The following SP4 variants were observed in gnomAD, a reference collection of about 807,000 sequenced individuals.
The protein encoded by SP4 is transcription factor Sp4.
SP4 carries 19 observed loss-of-function variants against 72.8 expected under a neutral mutation model. The ratio of observed to expected loss-of-function variants is 0.26; its 90% CI spans 0.18 to 0.38. The LOEUF is 0.38. SP4 is among the 10% of genes least tolerant of loss of function. The pLI is 1.00. For missense variants in SP4, 1,008 were observed against 926.3 expected, an observed-to-expected ratio of 1.09 and a Z score of -1.14; for synonymous variants, 395 against 333.1, an observed-to-expected ratio of 1.19 and a Z score of -2.02.
chr7:21,492,602 G>A (rs1785008852), intron 5 of SP4, among the ~76,000 whole-genome samples: 1 of 151,906 alleles, frequency 6.6e-6, no homozygotes, highest in Non-Finnish European at 1.5e-5. Flanking sequence ...TGGAGAAAAG[G>A]GAAAATAGAA....
rs1554292050 is a variant in SP4, at chr7:21,428,188, GCCCCCA to G, written c.-54_-49del. 9.3e-5 allele frequency: 35 copies of G among 374,988 alleles called. No individual in the cohort carries two copies. Among genetic ancestry groups the G allele is most frequent in the Non-Finnish European group, 1.6e-4 (32 of 199,376 alleles). The allele number at this position is 374,988 out of a possible 1,614,324, so 23.2% of individuals were successfully genotyped here. ...CGGGACCGGCCTCTCCTCCCGCCTCGCCCCCACCCCCACCCACCTCTATCCCAGTGT... is the reference window on the plus strand; with the variant it reads ...CGGGACCGGCCTCTCCTCCCGCCTCGCCCCCACCCACCTCTATCCCAGTGT... On this transcript the variant is annotated 5_prime_UTR_variant, in exon 1 of 6. Transcript: ENST00000222584.
chr7:21,435,350 A>G (rs1025201576), intron 3 of SP4, among the ~76,000 whole-genome samples: 5 of 152,220 alleles, frequency 3.3e-5, no homozygotes, highest in African/African-American at 1.2e-4. Flanking sequence ...GGGATATAGT[A>G]TGAAACCAGA....
intron 3 of SP4, among the ~76,000 whole-genome samples, chr7:21,446,176 G>A (rs1239756459): frequency 2.0e-5 from 3 of 151,818 alleles, no homozygotes; most frequent in Non-Finnish European, 2.9e-5. Context: ...TTGTTCTCCC[G>A]CACCTTCACT....
chr7:21,465,752 C>T (rs1244140936), intron 3 of SP4, among the ~76,000 whole-genome samples: 3 of 152,046 alleles, frequency 2.0e-5, no homozygotes, highest in Non-Finnish European at 4.4e-5. Flanking sequence ...TGTTGTCCTA[C>T]TGGAGAGGGC....
chr7:21,428,660 G>T lies in SP4; in HGVS notation c.8-17G>T, dbSNP rs201490557. On this transcript the variant is annotated splice_polypyrimidine_tract_variant and intron_variant, in intron 1 of 5. Coordinates refer to ENST00000222584, the MANE Select transcript of SP4 (RefSeq NM_003112.5). Reference sequence around the variant, plus strand: ...TAACCTGTTGTCGTGTGTGTGTGGTGGGGGGGTTTGTTGCAGATCAGAAGA... The same window carrying T: ...TAACCTGTTGTCGTGTGTGTGTGGTTGGGGGGTTTGTTGCAGATCAGAAGA... 2.6e-5 allele frequency: 40 copies of T among 1,519,638 alleles called. No individual in the cohort carries two copies. In the Admixed American group the frequency reaches 4.8e-4, roughly 18 times the overall value. The allele number at this position is 1,519,638 out of a possible 1,614,324, so 94.1% of individuals were successfully genotyped here. A position where few individuals can be genotyped will look rare whatever the true frequency, so the allele number is the denominator to read the frequency against.
rs967899229 is a variant in SP4, at chr7:21,511,602, G to C, written c.*333G>C. The C allele has an allele frequency of 2.0e-5, 4 of 201,082 alleles. No homozygotes were observed. The highest frequency in any genetic ancestry group is 9.3e-5 in the African/African-American group (4 of 43,192). The allele number at this position is 201,082 out of a possible 1,614,324, so 12.5% of individuals were successfully genotyped here. A position where few individuals can be genotyped will look rare whatever the true frequency, so the allele number is the denominator to read the frequency against. ...AAAGACCTTAGTAGTTTGCAGGCTGGACCTTAATTGGACTTATTTTCTTTG... is the reference window on the plus strand; with the variant it reads ...AAAGACCTTAGTAGTTTGCAGGCTGCACCTTAATTGGACTTATTTTCTTTG... On this transcript the variant is annotated 3_prime_UTR_variant, in exon 6 of 6. Transcript: ENST00000222584.
intron 5 of SP4, among the ~76,000 whole-genome samples, chr7:21,501,505 T>A (rs1781861245): frequency 6.6e-6 from 1 of 152,212 alleles, no homozygotes; most frequent in Non-Finnish European, 1.5e-5. Flanking sequence ...GGGCATTTGT[T>A]TATTAATAGC....
At chr7:21,463,309 C>G (rs1221150512) in intron 3 of SP4, among the ~76,000 whole-genome samples, 1 of 152,108 alleles carries the variant, frequency 6.6e-6, no homozygotes, top group African/African-American at 2.4e-5. Flanking sequence ...AAAATTGGAA[C>G]AGCCAATGAA....
intron 5 of SP4, among the ~76,000 whole-genome samples, chr7:21,494,694 G>A (rs1785063249): frequency 6.6e-6 from 1 of 152,150 alleles, no homozygotes; most frequent in Admixed American, 6.5e-5. Context: ...TTGTTTCCAT[G>A]TAATTTCTCC....
intron 5 of SP4, among the ~76,000 whole-genome samples, chr7:21,497,870 CATT>C (rs1781762509): frequency 1.3e-5 from 2 of 152,222 alleles, no homozygotes; most frequent in South Asian, 2.1e-4. Context: ...AAAAATCACT[CATT>C]ATGCAGATTG....
intron 5 of SP4, among the ~76,000 whole-genome samples, chr7:21,505,488 T>C (rs1490761579): frequency 2.0e-5 from 3 of 152,326 alleles, no homozygotes; most frequent in South Asian, 2.1e-4. Context: ...CCAAATACGT[T>C]TGGGGCTTCT....
At chr7:21,455,021 C>A (rs1160362578) in intron 3 of SP4, among the ~76,000 whole-genome samples, 1 of 152,106 alleles carries the variant, frequency 6.6e-6, no homozygotes, top group Non-Finnish European at 1.5e-5. Context: ...CTAGAGTTTC[C>A]CTTGGCTTTG....
intron 3 of SP4, among the ~76,000 whole-genome samples, chr7:21,462,892 C>T (rs1261821084): frequency 6.6e-6 from 1 of 152,168 alleles, no homozygotes; most frequent in East Asian, 1.9e-4. Context: ...GTGTTTGAAT[C>T]ATTTGATAAG....
At chr7:21,505,943 G>A (rs1009219694) in intron 5 of SP4, among the ~76,000 whole-genome samples, 3 of 152,062 alleles carry the variant, frequency 2.0e-5, no homozygotes, top group South Asian at 4.1e-4. Context: ...TTAACCCTCT[G>A]TTGCCTTCCC....
chr7:21,504,421 G>T (rs183658705), intron 5 of SP4, among the ~76,000 whole-genome samples: 206 of 152,248 alleles, frequency 1.4e-3, no homozygotes, highest in Non-Finnish European at 2.2e-3. Context: ...TACAGATTTG[G>T]GCTGACCAGC....
chr7:21,429,242 C>T, intron 2 of SP4, 47 bp from the exon 3 acceptor site: 1 of 1,116,890 alleles, frequency 9.0e-7, no homozygotes, highest in Non-Finnish European at 1.2e-6. Context: ...TAAATCCGCC[C>T]ACTTTTTTTC....
At chr7:21,482,456 G>A (rs921161253) in intron 5 of SP4, among the ~76,000 whole-genome samples, 1 of 151,620 alleles carries the variant, frequency 6.6e-6, no homozygotes, top group Admixed American at 6.6e-5. Flanking sequence ...CATCTTAATG[G>A]GGACTTTCAT....
At chr7:21,434,214 C>T (rs372964860) in intron 3 of SP4, among the ~76,000 whole-genome samples, 18 of 152,258 alleles carry the variant, frequency 1.2e-4, no homozygotes, top group African/African-American at 2.2e-4. Flanking sequence ...GTAGCTTTGA[C>T]GGAATGTAAT....
chr7:21,477,407 C>A, intron 4 of SP4, 100 bp downstream of exon 4: 1 of 707,534 alleles, frequency 1.4e-6, no homozygotes. Context: ...AACTTCATTA[C>A]CTTTGTAGCC....
Sources: allele counts gnomAD v4.1 joint callset (sites outside exome capture counted in the v4.1 genomes callset), GRCh38; gene constraint gnomAD v4.1.1; transcripts MANE v1.5; gene names NCBI Gene and HGNC (gene_info 2026-07-23, HGNC 2026-07-21).